NEGR1: variants seen among roughly 807,000 people sequenced by gnomAD.
NEGR1 encodes IgLON family member 4.
In NEGR1, 10 loss-of-function variants were observed where a neutral mutation model predicts 40.9. That is an observed-to-expected ratio of 0.24 (90% CI 0.15 to 0.42). The LOEUF is 0.42. Among genes scored for constraint, NEGR1 ranks in the 10% least tolerant of loss-of-function variants. The pLI, the probability that NEGR1 is intolerant of heterozygous loss-of-function variation, is 1.00. For missense variants in NEGR1, 352 were observed against 438.9 expected, an observed-to-expected ratio of 0.80 and a Z score of 1.77; for synonymous variants, 185 against 166.8, an observed-to-expected ratio of 1.11 and a Z score of -0.84.
At chr1:71,972,036 T>C (rs531840605) in intron 1 of NEGR1, among the ~76,000 whole-genome samples, 3 of 152,314 alleles carry the variant, frequency 2.0e-5, no homozygotes, top group Non-Finnish European at 4.4e-5. Flanking sequence ...CAATTTATCA[T>C]GGAGTGTTGC....
intron 1 of NEGR1, among the ~76,000 whole-genome samples, chr1:72,260,923 G>A (rs1053816675): frequency 6.6e-6 from 1 of 151,880 alleles, no homozygotes; most frequent in Admixed American, 6.6e-5. Context: ...AAAATAAGCA[G>A]AAATGTAAAC....
At chr1:71,887,275 A>C (rs897202712) in intron 2 of NEGR1, among the ~76,000 whole-genome samples, 1 of 152,190 alleles carries the variant, frequency 6.6e-6, no homozygotes, top group South Asian at 2.1e-4. Flanking sequence ...TTGCTGTCTT[A>C]GCGGTGGCAC....
At chr1:71,594,846 G>T (rs610986) in intron 5 of NEGR1, among the ~76,000 whole-genome samples, 137,409 of 152,210 alleles carry the variant, frequency 0.9, 63,150 homozygotes, top group Non-Finnish European at 1. Context: ...GCATCTTTGT[G>T]ATAGACACAT....
At chr1:71,542,348 T>A (rs1194624498) in intron 6 of NEGR1, among the ~76,000 whole-genome samples, 1 of 151,748 alleles carries the variant, frequency 6.6e-6, no homozygotes, top group Non-Finnish European at 1.5e-5. Flanking sequence ...TCAGATGGAT[T>A]CTTTGCTGGT....
intron 1 of NEGR1, among the ~76,000 whole-genome samples, chr1:71,970,494 C>T (rs1447161595): frequency 6.6e-6 from 1 of 152,012 alleles, no homozygotes; most frequent in Non-Finnish European, 1.5e-5. Flanking sequence ...AATTCAAGAC[C>T]AGATTGGCCA....
At chr1:71,531,624 C>T (rs1227039075) in intron 6 of NEGR1, among the ~76,000 whole-genome samples, 1 of 151,186 alleles carries the variant, frequency 6.6e-6, no homozygotes, top group Non-Finnish European at 1.5e-5. Context: ...TAATATGACA[C>T]TCAACTTTGA....
intron 2 of NEGR1, among the ~76,000 whole-genome samples, chr1:71,814,977 A>C (rs1181048319): frequency 6.6e-6 from 1 of 151,912 alleles, no homozygotes; most frequent in African/African-American, 2.4e-5. Context: ...TTGGTTCCCT[A>C]GTTATTTTAG....
chr1:71,629,546 T>C (rs1319449777), intron 4 of NEGR1, among the ~76,000 whole-genome samples: 1 of 152,012 alleles, frequency 6.6e-6, no homozygotes, highest in Non-Finnish European at 1.5e-5. Flanking sequence ...CTATTATTGG[T>C]GTATAGGAAT....
chr1:72,167,707 A>G (rs570490173), intron 1 of NEGR1, among the ~76,000 whole-genome samples: 1 of 152,102 alleles, frequency 6.6e-6, no homozygotes, highest in South Asian at 2.1e-4. Flanking sequence ...TTTTTCCCTG[A>G]AGCTATAGCT....
At position 71,460,379 on chromosome 1, in the gene NEGR1, T is replaced by G. The variant is rs1013887706; in HGVS notation, c.941-52809A>C. Reference sequence around the variant, plus strand: ...GTCACCTAGGGCCAGGGCACAAAATTTAAGTAGGTTCTTACTCACAGCTCT... The same window carrying G: ...GTCACCTAGGGCCAGGGCACAAAATGTAAGTAGGTTCTTACTCACAGCTCT... On this transcript the variant is annotated intron_variant, in intron 6 of 6. Transcript: ENST00000357731. Among the ~76,000 whole-genome samples the G allele has an allele frequency of 2.0e-5, 3 of 152,092 alleles. 1 individual carries two copies. Among genetic ancestry groups the G allele is most frequent in the African/African-American group, 4.8e-5 (2 of 41,410 alleles).
chr1:71,547,305 C>A (rs1647931664), intron 6 of NEGR1, among the ~76,000 whole-genome samples: 1 of 151,680 alleles, frequency 6.6e-6, no homozygotes, highest in Non-Finnish European at 1.5e-5. Flanking sequence ...GTTCATTTGT[C>A]AAGAGACAGA....
intron 4 of NEGR1, among the ~76,000 whole-genome samples, chr1:71,642,636 A>G (rs1217771266): frequency 2.0e-5 from 3 of 151,930 alleles, no homozygotes; most frequent in Admixed American, 6.6e-5. Flanking sequence ...GTGATTTGAG[A>G]TCACAAATCA....
At chr1:71,885,961 AG>A (rs1053988448) in intron 2 of NEGR1, among the ~76,000 whole-genome samples, 3 of 152,334 alleles carry the variant, frequency 2.0e-5, no homozygotes, top group African/African-American at 7.2e-5. Context: ...AGCAGGCAGA[AG>A]GTTTGGTTTA....
intron 2 of NEGR1, among the ~76,000 whole-genome samples, chr1:71,922,776 T>C (rs186099410): frequency 6.6e-6 from 1 of 152,314 alleles, no homozygotes; most frequent in Admixed American, 6.5e-5. Context: ...AAGAAATATA[T>C]ATCTAATTGT....
At chr1:71,571,308 T>G (rs1648800327) in intron 6 of NEGR1, among the ~76,000 whole-genome samples, 1 of 152,200 alleles carries the variant, frequency 6.6e-6, no homozygotes, top group South Asian at 2.1e-4. Context: ...ATTTAATCAC[T>G]ACAGGACTAT....
At chr1:71,738,295 G>A in intron 3 of NEGR1, 1 of 250,672 alleles carries the variant, frequency 4.0e-6, no homozygotes, top group Non-Finnish European at 8.4e-6. Flanking sequence ...CTTGAGCCCT[G>A]CCATGCAGCT....
intron 4 of NEGR1, among the ~76,000 whole-genome samples, chr1:71,625,134 C>T (rs2781157): frequency 0.047 from 7,122 of 152,060 alleles, 506 homozygotes; most frequent in African/African-American, 0.16. Context: ...CTGAGTAGAA[C>T]ATTTTTGTAG....
chr1:71,928,254 A>G (rs867324989), intron 2 of NEGR1, among the ~76,000 whole-genome samples: 615 of 130,508 alleles, frequency 4.7e-3, no homozygotes, highest in African/African-American at 0.019. Flanking sequence ...ATACACACAT[A>G]TGTATATACG....
intron 5 of NEGR1, among the ~76,000 whole-genome samples, chr1:71,600,404 G>A (rs1350559750): frequency 6.6e-6 from 1 of 152,152 alleles, no homozygotes; most frequent in African/African-American, 2.4e-5. Context: ...TTAGATGTGA[G>A]CCCATGAGGG....
Sources: gnomAD v4.1 joint callset for allele counts (sites outside exome capture counted in the v4.1 genomes callset) on GRCh38, gnomAD v4.1.1 for gene constraint, MANE v1.5 for transcripts, NCBI Gene and HGNC (gene_info 2026-07-23, HGNC 2026-07-21) for gene names.